LRRC4C: variants seen among roughly 807,000 people sequenced by gnomAD.
LRRC4C encodes leucine rich repeat containing 4C, also known as leucine-rich repeat-containing protein 4C.
LRRC4C carries 5 observed loss-of-function variants against 33.6 expected under a neutral mutation model. That is an observed-to-expected ratio of 0.15 (90% CI 0.08 to 0.31). The LOEUF (loss-of-function observed/expected upper bound fraction) is 0.31, where lower values mean the gene tolerates loss of function less well. Among genes scored for constraint, LRRC4C ranks in the 10% least tolerant of loss-of-function variants. The pLI is 1.00. For synonymous variants in LRRC4C, 329 were observed against 302.0 expected (o/e 1.09, Z -0.93); for missense variants, 560 against 796.7 (o/e 0.70, Z 3.58).
At chr11:40,146,082 C>T (rs1411747646) in intron 5 of LRRC4C, among the ~76,000 whole-genome samples, 2 of 152,114 alleles carry the variant, frequency 1.3e-5, no homozygotes, top group Non-Finnish European at 2.9e-5. Flanking sequence ...ACCTCTTGCT[C>T]TAACTGATCT....
chr11:40,350,710 C>G (rs1947344204), intron 3 of LRRC4C, among the ~76,000 whole-genome samples: 1 of 152,030 alleles, frequency 6.6e-6, no homozygotes, highest in African/African-American at 2.4e-5. Flanking sequence ...AATATTGATT[C>G]TCTCAATCCA....
intron 1 of LRRC4C, among the ~76,000 whole-genome samples, chr11:41,012,686 A>G (rs2137552628): frequency 6.6e-6 from 1 of 152,266 alleles, no homozygotes; most frequent in African/African-American, 2.4e-5. Context: ...GGCTGAACTA[A>G]TTTACATTTT....
intron 1 of LRRC4C, among the ~76,000 whole-genome samples, chr11:40,986,217 T>C (rs932701405): frequency 6.6e-6 from 1 of 152,166 alleles, no homozygotes; most frequent in African/African-American, 2.4e-5. Flanking sequence ...TGAGTCCCAC[T>C]GTGATTGGTG....
At chr11:40,918,304 C>T (rs556297379) in intron 2 of LRRC4C, among the ~76,000 whole-genome samples, 1 of 152,038 alleles carries the variant, frequency 6.6e-6, no homozygotes, top group South Asian at 2.1e-4. Context: ...TATGTGTGTG[C>T]ATGTGTGTGT....
intron 3 of LRRC4C, among the ~76,000 whole-genome samples, chr11:40,330,505 G>T (rs546530761): frequency 6.6e-6 from 1 of 152,152 alleles, no homozygotes; most frequent in Non-Finnish European, 1.5e-5. Flanking sequence ...CTGGTCTCAC[G>T]ATGCTATGAA....
At chr11:40,256,236 C>T (rs915863026) in intron 4 of LRRC4C, among the ~76,000 whole-genome samples, 6 of 152,166 alleles carry the variant, frequency 3.9e-5, no homozygotes, top group African/African-American at 1.4e-4. Context: ...AAGATCCTAG[C>T]TTGGGAATAA....
At chr11:40,383,092 A>G (rs952195335) in intron 3 of LRRC4C, among the ~76,000 whole-genome samples, 1 of 147,364 alleles carries the variant, frequency 6.8e-6, no homozygotes, top group Non-Finnish European at 1.5e-5. Context: ...ACTACTTTCA[A>G]TTTTTTAATG....
intron 1 of LRRC4C, among the ~76,000 whole-genome samples, chr11:41,149,505 G>T (rs1267725192): frequency 8.6e-6 from 1 of 116,140 alleles, no homozygotes; most frequent in Non-Finnish European, 1.7e-5. Context: ...GCGAGACTCC[G>T]TCTCCAAAAA....
At chr11:41,089,450 T>C (rs1940240775) in intron 1 of LRRC4C, among the ~76,000 whole-genome samples, 1 of 152,074 alleles carries the variant, frequency 6.6e-6, no homozygotes, top group Admixed American at 6.6e-5. Flanking sequence ...TGACTTTGGC[T>C]TTGGTCCAGA....
intron 1 of LRRC4C, among the ~76,000 whole-genome samples, chr11:41,284,391 C>A (rs1949760271): frequency 6.6e-6 from 1 of 152,156 alleles, no homozygotes; most frequent in South Asian, 2.1e-4. Context: ...CGCTCTCACA[C>A]TTTTTTTACA....
rs891226583 is a variant in LRRC4C at position 41,178,407 on chromosome 11, G to A, written c.-495-244684C>T. On this transcript the variant is annotated intron_variant, in intron 1 of 6. Coordinates refer to ENST00000528697, the MANE Select transcript of LRRC4C (RefSeq NM_001258419.2). Reference sequence around the variant, plus strand: ...CTGGTTCTTTGACACCCAGGATGGCGTGATCATGTAATCATAGCTCAATGC... The same window carrying A: ...CTGGTTCTTTGACACCCAGGATGGCATGATCATGTAATCATAGCTCAATGC... Among the ~76,000 whole-genome samples, 15 of 152,258 alleles carry A rather than the reference G, an allele frequency of 9.9e-5. No homozygotes were observed. In the South Asian group the frequency reaches 1.2e-3, roughly 13 times the overall value.
At chr11:40,242,982 C>T (rs942637831) in intron 4 of LRRC4C, among the ~76,000 whole-genome samples, 2 of 152,068 alleles carry the variant, frequency 1.3e-5, no homozygotes, top group African/African-American at 4.8e-5. Context: ...TTCTTTGAAG[C>T]TCCTCATGGT....
intron 1 of LRRC4C, among the ~76,000 whole-genome samples, chr11:41,304,083 G>C (rs1224548632): frequency 1.4e-5 from 1 of 72,138 alleles, no homozygotes; most frequent in Non-Finnish European, 3.5e-5. Flanking sequence ...CACCCCGTCC[G>C]GGAGGTGAGG....
At chr11:40,280,400 G>A (rs138310267) in intron 4 of LRRC4C, among the ~76,000 whole-genome samples, 2 of 152,308 alleles carry the variant, frequency 1.3e-5, no homozygotes, top group Non-Finnish European at 2.9e-5. Context: ...CAATTCACTG[G>A]CCACGTGCAT....
At chr11:40,642,856 A>T in intron 3 of LRRC4C, among the ~76,000 whole-genome samples, 1 of 152,188 alleles carries the variant, frequency 6.6e-6, no homozygotes, top group East Asian at 1.9e-4. Context: ...CTTGATTATT[A>T]TGTTAACATT....
intron 1 of LRRC4C, among the ~76,000 whole-genome samples, chr11:40,939,796 A>G (rs1958064221): frequency 6.6e-6 from 1 of 152,150 alleles, no homozygotes; most frequent in Non-Finnish European, 1.5e-5. Flanking sequence ...TGCAGAAAAT[A>G]ATTTGGAAAC....
intron 1 of LRRC4C, among the ~76,000 whole-genome samples, chr11:41,168,567 A>G (rs932499240): frequency 6.6e-6 from 1 of 152,074 alleles, no homozygotes; most frequent in African/African-American, 2.4e-5. Context: ...CAAACAATTC[A>G]TATAAGGTGA....
In LRRC4C at chr11:41,284,940, C is replaced by A. The variant is rs143347682; in HGVS notation, c.-496+174491G>T. Among the ~76,000 whole-genome samples, 182 of 152,296 alleles carry A rather than the reference C, an allele frequency of 1.2e-3. 1 individual carries two copies. The highest frequency in any genetic ancestry group is 4.2e-3 in the African/African-American group (176 of 41,544). The stretch of plus-strand genomic sequence containing the variant: ...AGTGAATTCTGTCACAATGAGTCCA[C>A]GGCTAAGGCAGGGGATTAGGGCTCT... On this transcript the variant is annotated intron_variant, in intron 1 of 6. Coordinates refer to ENST00000528697, the MANE Select transcript of LRRC4C (RefSeq NM_001258419.2).
chr11:41,378,650 C>G (rs1740737056), intron 1 of LRRC4C, among the ~76,000 whole-genome samples: 2 of 152,094 alleles, frequency 1.3e-5, no homozygotes, highest in Non-Finnish European at 2.9e-5. Flanking sequence ...ATTTTAATCA[C>G]TTATTAGACT....
Sources: gnomAD v4.1 joint callset for allele counts (sites outside exome capture counted in the v4.1 genomes callset) on GRCh38, gnomAD v4.1.1 for gene constraint, MANE v1.5 for transcripts, NCBI Gene and HGNC (gene_info 2026-07-23, HGNC 2026-07-21) for gene names.